The following GABRG3 variants were observed in gnomAD, a reference collection of about 807,000 sequenced individuals.
The protein encoded by GABRG3 is gamma-aminobutyric acid type A receptor subunit gamma3.
In GABRG3, 25 loss-of-function variants were observed where a neutral mutation model predicts 48.8. That is an observed-to-expected ratio of 0.51 (90% CI 0.37 to 0.72). GABRG3 has a LOEUF of 0.72. GABRG3 is among the 30% of genes least tolerant of loss of function. The pLI, the probability that GABRG3 is intolerant of heterozygous loss-of-function variation, is 0.00. For synonymous variants in GABRG3, 227 were observed against 217.6 expected (o/e 1.04, Z -0.38); for missense variants, 394 against 577.9 (o/e 0.68, Z 3.26).
At chr15:26,998,892 C>T (rs1895389373) in intron 2 of GABRG3, among the ~76,000 whole-genome samples, 1 of 152,104 alleles carries the variant, frequency 6.6e-6, no homozygotes. Flanking sequence ...GCTGTATACC[C>T]TTAAAACAAT....
chr15:27,144,539 A>G (rs988720847), intron 3 of GABRG3, among the ~76,000 whole-genome samples: 1 of 151,692 alleles, frequency 6.6e-6, no homozygotes, highest in African/African-American at 2.4e-5. Flanking sequence ...TGAGATGGCA[A>G]TACAAGTTGG....
intron 5 of GABRG3, among the ~76,000 whole-genome samples, chr15:27,463,787 C>T (rs1012636263): frequency 6.6e-6 from 1 of 152,176 alleles, no homozygotes; most frequent in African/African-American, 2.4e-5. Context: ...TTTAGAAGCA[C>T]TGTGCAGGGG....
intron 5 of GABRG3, among the ~76,000 whole-genome samples, chr15:27,406,724 AGAGG>A (rs1481328995): frequency 1.3e-5 from 2 of 152,180 alleles, no homozygotes; most frequent in Non-Finnish European, 1.5e-5. Context: ...TGGAACGTCA[AGAGG>A]GTACTAGCAA....
intron 3 of GABRG3, among the ~76,000 whole-genome samples, chr15:27,159,581 A>C (rs939848518): frequency 4.6e-5 from 7 of 152,000 alleles, no homozygotes; most frequent in Non-Finnish European, 7.4e-5. Flanking sequence ...TGTTCCTAGT[A>C]ATATCCTTAT....
chr15:27,265,210 C>G (rs1220992352), intron 3 of GABRG3, among the ~76,000 whole-genome samples: 2 of 152,126 alleles, frequency 1.3e-5, no homozygotes, highest in African/African-American at 4.8e-5. Context: ...CAAACCTATC[C>G]TTATTTCTAT....
intron 5 of GABRG3, chr15:27,340,968 T>C: frequency 2.0e-6 from 1 of 508,040 alleles, no homozygotes; most frequent in South Asian, 1.4e-5. Context: ...TGCTTTTGTT[T>C]TGGGGTGTGT....
At chr15:27,222,049 C>A (rs140865939) in intron 3 of GABRG3, among the ~76,000 whole-genome samples, 41 of 152,276 alleles carry the variant, frequency 2.7e-4, no homozygotes, top group African/African-American at 9.6e-4. Context: ...GCAAATTTTC[C>A]TCAATCCCAT....
chr15:27,026,882 A>T, intron 3 of GABRG3, 61 bp downstream of exon 3: 1 of 1,157,038 alleles, frequency 8.6e-7, no homozygotes, highest in Non-Finnish European at 1.2e-6. Flanking sequence ...TTACATTCTC[A>T]TTGTGGATTT....
In GABRG3 at chr15:27,328,857, C is replaced by T. The variant is rs200252575; in HGVS notation, c.543C>T (p.Asp181=). ...TGCAGCTGCACAACTTCCCCATGGA[C>T]GAACACTCCTGCCCGCTGATTTTCT... ...CQLQLHNFPM[D]EHSCPLIFSS... is the part of the protein sequence containing the mutation. Residue 181 remains aspartate, a synonymous_variant, in exon 5 of 10, where the codon GAC becomes GAT. Transcript: ENST00000615808. The T allele has an allele frequency of 1.4e-4, 223 of 1,614,010 alleles. No individual in the cohort carries two copies. Among genetic ancestry groups the T allele is most frequent in the East Asian group, 2.2e-4 (10 of 44,886 alleles).
At chr15:27,022,870 G>C (rs1006058760) in intron 2 of GABRG3, among the ~76,000 whole-genome samples, 2 of 152,134 alleles carry the variant, frequency 1.3e-5, no homozygotes, top group African/African-American at 4.8e-5. Flanking sequence ...AAACAACCAA[G>C]CAAAGGTCTG....
chr15:27,129,502 A>G (rs547056238), intron 3 of GABRG3, among the ~76,000 whole-genome samples: 2 of 152,326 alleles, frequency 1.3e-5, no homozygotes, highest in African/African-American at 4.8e-5. Flanking sequence ...TAATGCTACT[A>G]TGTGTACACA....
intron 3 of GABRG3, among the ~76,000 whole-genome samples, chr15:27,100,671 C>G (rs1897339794): frequency 6.6e-6 from 1 of 152,106 alleles, no homozygotes. Context: ...GTTGATTCAG[C>G]TTTCAAAATC....
chr15:27,434,231 T>G (rs547026253), intron 5 of GABRG3, among the ~76,000 whole-genome samples: 58 of 152,352 alleles, frequency 3.8e-4, no homozygotes, highest in African/African-American at 1.2e-3. Context: ...CAGATTCATT[T>G]AGTGTGTTTT....
chr15:27,087,185 A>G (rs1316953868), intron 3 of GABRG3, among the ~76,000 whole-genome samples: 2 of 152,086 alleles, frequency 1.3e-5, no homozygotes, highest in African/African-American at 2.4e-5. Context: ...TCGAAACCAC[A>G]CTTGACATCG....
At chr15:27,306,508 TATATAAACATATATA>T (rs1227981870) in intron 3 of GABRG3, among the ~76,000 whole-genome samples, 1 of 138,350 alleles carries the variant, frequency 7.2e-6, no homozygotes, top group Non-Finnish European at 1.5e-5. Flanking sequence ...CATATGTCTA[TATATAAACATATATA>T]ATATAAACAT....
intron 3 of GABRG3, among the ~76,000 whole-genome samples, chr15:27,195,316 C>CCTCTCTTTCTTTCTTT (rs1034870367): frequency 6.6e-6 from 1 of 151,908 alleles, no homozygotes; most frequent in African/African-American, 2.4e-5. Flanking sequence ...TCTTTCTCTC[C>CCTCTCTTTCTTTCTTT]CTCTCTTTCT....
intron 3 of GABRG3, among the ~76,000 whole-genome samples, chr15:27,243,060 A>AC (rs1247376019): frequency 1.3e-5 from 2 of 152,142 alleles, no homozygotes; most frequent in Non-Finnish European, 2.9e-5. Context: ...GATGATTACG[A>AC]CCCGTAGCGT....
intron 3 of GABRG3, among the ~76,000 whole-genome samples, chr15:27,061,413 G>A (rs981212522): frequency 2.6e-5 from 4 of 151,286 alleles, no homozygotes; most frequent in South Asian, 2.1e-4. Flanking sequence ...TAAGTCTATC[G>A]TAACAAAACA....
intron 5 of GABRG3, chr15:27,350,308 AATT>A: frequency 2.6e-6 from 1 of 384,280 alleles, no homozygotes; most frequent in Non-Finnish European, 5.3e-6. Context: ...GGTTGCTGTG[AATT>A]GGGAAATCAC....
Sources: gnomAD v4.1 joint callset for allele counts (sites outside exome capture counted in the v4.1 genomes callset) on GRCh38, gnomAD v4.1.1 for gene constraint, MANE v1.5 for transcripts, NCBI Gene and HGNC (gene_info 2026-07-23, HGNC 2026-07-21) for gene names.